Variants in PCDH15 observed in about 807,000 individuals in gnomAD.
The protein encoded by PCDH15 is protocadherin related 15.
Under a neutral mutation model 178.5 loss-of-function variants are expected in PCDH15, and 129 were observed. The observed-to-expected ratio is 0.72, with a 90% CI of 0.63 to 0.84. PCDH15 has a LOEUF of 0.84. Ranked by LOEUF, PCDH15 falls within the 40% of genes least tolerant of loss-of-function variation. PCDH15 has a pLI of 0.00. For synonymous variants in PCDH15, 800 were observed against 732.0 expected, an observed-to-expected ratio of 1.09 and a Z score of -1.50; for missense variants, 2,230 against 2,099.9, an observed-to-expected ratio of 1.06 and a Z score of -1.21.
chr10:55,519,024 G>A (rs1841088436), intron 2 of PCDH15, among the ~76,000 whole-genome samples: 1 of 139,222 alleles, frequency 7.2e-6, no homozygotes, highest in Non-Finnish European at 1.5e-5. Context: ...AACCAGGGAA[G>A]CCGAGATTGC....
At chr10:54,427,427 C>A (rs1178322584) in intron 3 of PCDH15, among the ~76,000 whole-genome samples, 2 of 151,648 alleles carry the variant, frequency 1.3e-5, no homozygotes, top group African/African-American at 4.8e-5. Context: ...TACAGGCATG[C>A]ACCATCACAT....
At chr10:55,602,688 G>C (rs569970638) in intron 2 of PCDH15, among the ~76,000 whole-genome samples, 1 of 152,236 alleles carries the variant, frequency 6.6e-6, no homozygotes, top group South Asian at 2.1e-4. Context: ...CTGTCTGTTA[G>C]AAGGAAAACT....
rs138878638 is a variant in PCDH15, at chr10:55,118,185, G to C, written c.-80+48391C>G. Reference sequence around the variant, plus strand: ...GACAAATATTATCTTAACCAAGACAGGGAGCTCAGTAAAACCAGACTGAGA... The same window carrying C: ...GACAAATATTATCTTAACCAAGACACGGAGCTCAGTAAAACCAGACTGAGA... On this transcript the variant is annotated intron_variant, in intron 2 of 5. Coordinates refer to the PCDH15 transcript ENST00000458638. 1.6e-3 allele frequency among the ~76,000 whole-genome samples: 249 copies of C among 152,244 alleles called. 1 individual carries two copies. Among genetic ancestry groups the C allele is most frequent in the African/African-American group, 5.7e-3 (235 of 41,554 alleles).
intron 15 of PCDH15, among the ~76,000 whole-genome samples, chr10:54,126,333 C>T (rs1393226234): frequency 6.6e-6 from 1 of 151,952 alleles, no homozygotes; most frequent in Non-Finnish European, 1.5e-5. Context: ...GCCTCTCAAA[C>T]ACTTTTTTCT....
chr10:55,516,342 C>T (rs373293337), intron 2 of PCDH15, among the ~76,000 whole-genome samples: 1 of 152,114 alleles, frequency 6.6e-6, no homozygotes. Flanking sequence ...GATGGTGAGG[C>T]CTCCCAAGCC....
intron 3 of PCDH15, among the ~76,000 whole-genome samples, chr10:54,460,025 C>G (rs904302609): frequency 2.0e-5 from 3 of 152,032 alleles, no homozygotes; most frequent in Non-Finnish European, 4.4e-5. Flanking sequence ...AAAACATACC[C>G]AAGCTGTTCT....
chr10:54,322,692 A>G (rs553107409), intron 7 of PCDH15, among the ~76,000 whole-genome samples: 1 of 152,172 alleles, frequency 6.6e-6, no homozygotes, highest in African/African-American at 2.4e-5. Context: ...GCTGAATTCT[A>G]CCAGACATAC....
At chr10:54,117,038 C>A (rs184239717) in intron 15 of PCDH15, among the ~76,000 whole-genome samples, 32 of 152,234 alleles carry the variant, frequency 2.1e-4, no homozygotes, top group African/African-American at 6.5e-4. Context: ...GAAACTTCTG[C>A]GGCCAATGGC....
intron 5 of PCDH15, among the ~76,000 whole-genome samples, chr10:54,354,549 G>A (rs1944670788): frequency 6.6e-6 from 1 of 152,220 alleles, no homozygotes; most frequent in East Asian, 1.9e-4. Context: ...TTTAGATTAA[G>A]TGCCAGTACT....
intron 2 of PCDH15, among the ~76,000 whole-genome samples, chr10:55,527,039 G>C (rs1841315946): frequency 6.6e-6 from 1 of 151,892 alleles, no homozygotes; most frequent in Non-Finnish European, 1.5e-5. Context: ...AAATGTGATT[G>C]GTCTATTTGC....
chr10:54,476,635 A>G (rs911213849), intron 3 of PCDH15, among the ~76,000 whole-genome samples: 2 of 152,086 alleles, frequency 1.3e-5, no homozygotes, highest in African/African-American at 4.8e-5. Context: ...GGGTGATCAG[A>G]AATTTGGAGG....
chr10:55,444,817 T>A (rs1839278895), intron 2 of PCDH15, among the ~76,000 whole-genome samples: 1 of 152,134 alleles, frequency 6.6e-6, no homozygotes, highest in African/African-American at 2.4e-5. Flanking sequence ...AATTGACAAA[T>A]TGTTGAATCA....
chr10:55,459,036 C>A (rs754052666), intron 2 of PCDH15, among the ~76,000 whole-genome samples: 8 of 151,876 alleles, frequency 5.3e-5, no homozygotes, highest in Admixed American at 2.0e-4. Context: ...TGAGGATGCA[C>A]AATTGCTGGT....
At chr10:54,006,756 C>T (rs1433620013) in intron 20 of PCDH15, among the ~76,000 whole-genome samples, 3 of 152,176 alleles carry the variant, frequency 2.0e-5, no homozygotes, top group Admixed American at 6.5e-5. Context: ...GAAAACTCCT[C>T]TGAAAGGTGG....
Position 55,182,866 on chromosome 10 carries a change from A to C in PCDH15, c.-155-16215T>G, listed in dbSNP as rs60393415. Among the ~76,000 whole-genome samples the C allele has an allele frequency of 4.5e-3, 684 of 152,112 alleles. 3 individuals carry two copies. The highest frequency in any genetic ancestry group is 0.016 in the African/African-American group (667 of 41,546). Reference sequence around the variant, plus strand: ...AGACCTTGTGACAAAGCAGGCAAGAAAGTGAGAAAGAAACTGAAGGATATT... The same window carrying C: ...AGACCTTGTGACAAAGCAGGCAAGACAGTGAGAAAGAAACTGAAGGATATT... On this transcript the variant is annotated intron_variant, in intron 1 of 5. Transcript: ENST00000458638.
chr10:53,973,089 C>T (rs2089881837), intron 21 of PCDH15, among the ~76,000 whole-genome samples: 1 of 152,078 alleles, frequency 6.6e-6, no homozygotes, highest in Admixed American at 6.6e-5. Context: ...GGCACATATA[C>T]ACCATGGAAT....
chr10:55,603,268 T>C (rs1267292379), intron 2 of PCDH15, among the ~76,000 whole-genome samples: 3 of 151,352 alleles, frequency 2.0e-5, no homozygotes, highest in African/African-American at 4.9e-5. Flanking sequence ...CTACGTCTGA[T>C]TGGTGTACCT....
intron 2 of PCDH15, among the ~76,000 whole-genome samples, chr10:55,046,976 T>G (rs969801457): frequency 6.6e-6 from 1 of 151,902 alleles, no homozygotes; most frequent in Non-Finnish European, 1.5e-5. Flanking sequence ...CTATATTCAA[T>G]GTTGTTCTTG....
At chr10:54,473,488 C>T (rs932666879) in intron 3 of PCDH15, among the ~76,000 whole-genome samples, 20 of 152,208 alleles carry the variant, frequency 1.3e-4, no homozygotes, top group African/African-American at 4.6e-4. Context: ...TTTCTGAGCA[C>T]GCTATGACTG....
Sources: allele counts gnomAD v4.1 joint callset (sites outside exome capture counted in the v4.1 genomes callset), GRCh38; gene constraint gnomAD v4.1.1; transcripts MANE v1.5; gene names NCBI Gene and HGNC (gene_info 2026-07-23, HGNC 2026-07-21).